Variants in RPIA observed in about 807,000 individuals in gnomAD.
RPIA encodes the protein ribose 5-phosphate isomerase A, also known as ribose-5-phosphate isomerase.
RPIA carries 29 observed loss-of-function variants against 37.8 expected under a neutral mutation model. The ratio of observed to expected loss-of-function variants is 0.77; its 90% CI spans 0.57 to 1.05. The LOEUF is 1.05. RPIA is among the 50% of genes least tolerant of loss of function. The pLI, the probability that RPIA is intolerant of heterozygous loss-of-function variation, is 0.00. For missense variants in RPIA, 385 were observed against 413.6 expected (o/e 0.93, Z 0.60); for synonymous variants, 167 against 157.0 (o/e 1.06, Z -0.48).
intron 3 of RPIA, among the ~76,000 whole-genome samples, chr2:88,706,440 A>G (rs867356402): frequency 1.3e-4 from 20 of 152,118 alleles, no homozygotes; most frequent in African/African-American, 4.8e-4. Flanking sequence ...ATCCTCAGCA[A>G]ACTAACACAG....
At chr2:88,736,443 A>G (rs1673316513) in intron 6 of RPIA, 92 bp from the exon 7 acceptor site, 2 of 1,405,032 alleles carry the variant, frequency 1.4e-6, no homozygotes, top group Admixed American at 3.5e-5. Flanking sequence ...TTGCCTTCCC[A>G]CCATCTCATT....
intron 8 of RPIA, among the ~76,000 whole-genome samples, chr2:88,746,255 T>C (rs146949474): frequency 1.3e-5 from 2 of 152,198 alleles, no homozygotes; most frequent in South Asian, 4.1e-4. Context: ...GAATTCTTTA[T>C]CTGGCAATTC....
At chr2:88,714,874 C>T (rs541715718) in intron 3 of RPIA, among the ~76,000 whole-genome samples, 2 of 152,252 alleles carry the variant, frequency 1.3e-5, no homozygotes, top group South Asian at 4.2e-4. Flanking sequence ...GATAGGGTAC[C>T]CTTGTCCTCA....
intron 8 of RPIA, among the ~76,000 whole-genome samples, chr2:88,739,066 ATGAGGCTGGAGTCCTGGT>A (rs1008543843): frequency 3.3e-5 from 5 of 152,176 alleles, no homozygotes; most frequent in African/African-American, 4.8e-5. Context: ...GAGATGAGTT[ATGAGGCTGGAGTCCTGGT>A]TGAGGCTGGA....
At chr2:88,734,117 C>T (rs1443168411) in intron 4 of RPIA, among the ~76,000 whole-genome samples, 1 of 152,012 alleles carries the variant, frequency 6.6e-6, no homozygotes, top group African/African-American at 2.4e-5. Context: ...TTCCCACCCC[C>T]AGTGGAATTT....
rs758889444 is a variant in RPIA at position 88,691,745 on chromosome 2, C to G, written c.47C>G (p.Ala16Gly). ...PFSTLYGRVLAPLPGRAGGAA... is the reference protein window; with the variant it reads ...PFSTLYGRVLGPLPGRAGGAA... ...AGCACCCTCTACGGGCGGGTCTTGG[C>G]CCCGCTGCCCGGGAGGGCCGGGGGC... is the stretch of plus-strand genomic sequence containing the variant. Residue 16 changes from alanine to glycine, a missense_variant, in exon 1 of 9, where the codon GCC becomes GGC. Around this residue, in one of 2 missense-constraint regions of RPIA, gnomAD observed 232 missense variants for 203.0 expected, o/e 1.14. Transcript: ENST00000283646. 6 of 1,594,094 alleles carry G rather than the reference C, an allele frequency of 3.8e-6. No individual in the cohort carries two copies. The Admixed American group carries it at 1.0e-4, about 27-fold the overall frequency.
chr2:88,747,619 G>A lies in RPIA; in HGVS notation c.839-2362G>A, dbSNP rs137947624. Among the ~76,000 whole-genome samples, 414 of 152,230 alleles carry A rather than the reference G, an allele frequency of 2.7e-3. 1 individual carries two copies. The highest frequency in any genetic ancestry group is 9.5e-3 in the African/African-American group (393 of 41,542). On this transcript the variant is annotated intron_variant, in intron 8 of 8. Transcript: ENST00000283646. ...GGGATGGCTTCCCTGGGCTCAAGCT[G>A]GGGACTGGAAGTGTCTACAGGGCTC...
intron 4 of RPIA, among the ~76,000 whole-genome samples, chr2:88,733,796 A>C (rs991220668): frequency 4.6e-5 from 7 of 152,224 alleles, no homozygotes; most frequent in African/African-American, 1.7e-4. Flanking sequence ...CGGGGTTCCT[A>C]CAATGTCCAT....
intron 3 of RPIA, among the ~76,000 whole-genome samples, chr2:88,713,633 T>G (rs764161887): frequency 5.3e-5 from 8 of 152,380 alleles, no homozygotes; most frequent in Middle Eastern, 3.4e-3. Context: ...CAGCTCATCA[T>G]GCGTATTCAC....
intron 4 of RPIA, among the ~76,000 whole-genome samples, chr2:88,734,303 T>C (rs906422659): frequency 2.0e-5 from 3 of 152,022 alleles, no homozygotes; most frequent in African/African-American, 7.3e-5. Context: ...AGCCCATCAA[T>C]GAGAAAAGGG....
intron 3 of RPIA, among the ~76,000 whole-genome samples, chr2:88,702,283 C>G (rs1458168206): frequency 6.6e-6 from 1 of 152,214 alleles, no homozygotes; most frequent in African/African-American, 2.4e-5. Context: ...CAAGTAAGAT[C>G]TAAAACAGCT....
chr2:88,713,888 ATCTTGT>A (rs1402647608), intron 3 of RPIA, among the ~76,000 whole-genome samples: 2 of 140,964 alleles, frequency 1.4e-5, no homozygotes, highest in African/African-American at 5.2e-5. Flanking sequence ...TCGTAGTAGG[ATCTTGT>A]TCTTGTTTTA....
At chr2:88,699,631 G>A (rs1403151034) in intron 2 of RPIA, among the ~76,000 whole-genome samples, 1 of 152,106 alleles carries the variant, frequency 6.6e-6, no homozygotes, top group Non-Finnish European at 1.5e-5. Context: ...TATAACTACC[G>A]AGTTACATTA....
At chr2:88,705,038 G>T (rs571433628) in intron 3 of RPIA, among the ~76,000 whole-genome samples, 4 of 152,202 alleles carry the variant, frequency 2.6e-5, no homozygotes, top group African/African-American at 9.6e-5. Flanking sequence ...CTTCAAGGAG[G>T]ACTACAAACC....
At position 88,712,063 on chromosome 2, in the gene RPIA, C is replaced by T. The variant is rs374079537; in HGVS notation, c.402+11999C>T. Among the ~76,000 whole-genome samples the T allele has an allele frequency of 2.5e-4, 38 of 152,330 alleles. No homozygotes were observed. The South Asian group carries it at 6.8e-3, about 27-fold the overall frequency. On this transcript the variant is annotated intron_variant, in intron 3 of 8. Transcript: ENST00000283646. ...GGGAAGATGGTATAATGAGGCATAT[C>T]TGACTCCCCTTTCCCATCATGACCT...
At chr2:88,721,180 A>C (rs13403190) in intron 3 of RPIA, among the ~76,000 whole-genome samples, 6,193 of 152,066 alleles carry the variant, frequency 0.041, 428 homozygotes, top group African/African-American at 0.14. Flanking sequence ...ACACATGGAT[A>C]CAGGGAGGGG....
At chr2:88,749,630 T>A (rs1202936894) in intron 8 of RPIA, among the ~76,000 whole-genome samples, 1 of 152,164 alleles carries the variant, frequency 6.6e-6, no homozygotes, top group East Asian at 1.9e-4. Flanking sequence ...CTCTAGAGGA[T>A]GACTTGCCAT....
intron 8 of RPIA, among the ~76,000 whole-genome samples, chr2:88,744,310 G>A (rs1673417257): frequency 6.6e-6 from 1 of 152,184 alleles, no homozygotes; most frequent in Admixed American, 6.5e-5. Context: ...TATTTGTATA[G>A]TTTTGAGGGT....
intron 8 of RPIA, among the ~76,000 whole-genome samples, chr2:88,739,854 C>T (rs1002720689): frequency 2.0e-5 from 3 of 152,188 alleles, no homozygotes; most frequent in Non-Finnish European, 4.4e-5. Context: ...GGCTCAAAGT[C>T]TCCCTTGGCC....
Sources: allele counts gnomAD v4.1 joint callset (sites outside exome capture counted in the v4.1 genomes callset), GRCh38; gene constraint gnomAD v4.1.1; regional missense constraint gnomAD v4.1.1; transcripts MANE v1.5; gene names NCBI Gene and HGNC (gene_info 2026-07-23, HGNC 2026-07-21).